CYREN: variants seen among roughly 807,000 people sequenced by gnomAD.
The protein encoded by CYREN is cell cycle regulator of non-homologous end joining.
Under a neutral mutation model 9.7 loss-of-function variants are expected in CYREN, and 7 were observed. The ratio of observed to expected loss-of-function variants is 0.72; its 90% confidence interval spans 0.41 to 1.36. The LOEUF (loss-of-function observed/expected upper bound fraction) is 1.36, where lower values mean the gene tolerates loss of function less well. Ranked by LOEUF, CYREN falls within the 40% of genes most tolerant of loss-of-function variation. CYREN has a pLI of 0.01. For missense variants in CYREN, 215 were observed against 198.1 expected (o/e 1.09, Z -0.51); for synonymous variants, 76 against 77.9 (o/e 0.98, Z 0.13).
intron 2 of CYREN, among the ~76,000 whole-genome samples, chr7:135,132,542 G>T (rs1458206256): frequency 6.6e-6 from 1 of 152,158 alleles, no homozygotes; most frequent in Non-Finnish European, 1.5e-5. Flanking sequence ...CTTACCACTT[G>T]ATATAGTTTG....
chr7:135,141,367 G>T (rs1829449767), intron 2 of CYREN, among the ~76,000 whole-genome samples: 1 of 151,858 alleles, frequency 6.6e-6, no homozygotes, highest in Admixed American at 6.6e-5. Flanking sequence ...TTGTCTCTGA[G>T]GGTTTCTTAT....
intron 2 of CYREN, among the ~76,000 whole-genome samples, chr7:135,149,135 T>TCC (rs1184820088): frequency 6.6e-6 from 1 of 152,216 alleles, no homozygotes; most frequent in African/African-American, 2.4e-5. Flanking sequence ...TCCAGCTTAG[T>TCC]CCCTGCTTTA....
In CYREN at chr7:135,159,932, G is replaced by A. The variant is rs146388024; in HGVS notation, n.356+8817C>T. On this transcript the variant is annotated intron_variant and non_coding_transcript_variant, in intron 2 of 2. Transcript: ENST00000459937. ...GAGACAGGCACTCTCTGAAACTGCT[G>A]GTGGAAACATAAGTTGATTCACAAA... 2.2e-4 allele frequency among the ~76,000 whole-genome samples: 34 copies of A among 152,274 alleles called. No individual in the cohort carries two copies. The East Asian group carries it at 2.7e-3, about 12-fold the overall frequency.
intron 2 of CYREN, among the ~76,000 whole-genome samples, chr7:135,157,428 C>T (rs1361360110): frequency 6.6e-6 from 1 of 152,246 alleles, no homozygotes; most frequent in Non-Finnish European, 1.5e-5. Flanking sequence ...TGGATGCCAA[C>T]TGAGCAGCCT....
At chr7:135,132,119 A>G (rs1828857411) in intron 2 of CYREN, among the ~76,000 whole-genome samples, 1 of 152,216 alleles carries the variant, frequency 6.6e-6, no homozygotes, top group African/African-American at 2.4e-5. Context: ...TACCAATTCT[A>G]TACAATTTCT....
intron 2 of CYREN, among the ~76,000 whole-genome samples, chr7:135,114,289 T>C (rs989820794): frequency 1.3e-5 from 2 of 152,204 alleles, no homozygotes; most frequent in South Asian, 2.1e-4. Context: ...TTCCACAATG[T>C]TGTACCATTT....
intron 2 of CYREN, among the ~76,000 whole-genome samples, chr7:135,125,621 T>A (rs1476022602): frequency 6.6e-6 from 1 of 152,174 alleles, no homozygotes; most frequent in Non-Finnish European, 1.5e-5. Context: ...ATATTCCTGA[T>A]GAACATCAAT....
chr7:135,160,735 T>A (rs75669524), intron 2 of CYREN, among the ~76,000 whole-genome samples: 14 of 145,330 alleles, frequency 9.6e-5, no homozygotes, highest in East Asian at 2.0e-4. Flanking sequence ...TTCGCTCATT[T>A]AAAAAAAAAA....
intron 2 of CYREN, among the ~76,000 whole-genome samples, chr7:135,101,967 G>A (rs1823903271): frequency 6.6e-6 from 1 of 152,210 alleles, no homozygotes; most frequent in South Asian, 2.1e-4. Flanking sequence ...TTCCGCTTTC[G>A]CTTTGCTCTC....
intron 2 of CYREN, among the ~76,000 whole-genome samples, chr7:135,125,074 GAC>G (rs1269208538): frequency 2.0e-5 from 3 of 151,642 alleles, no homozygotes; most frequent in African/African-American, 7.3e-5. Flanking sequence ...AGGAGATAGA[GAC>G]ACAAAAAACT....
At chr7:135,099,877 T>C (rs1316578822) in intron 2 of CYREN, 1 of 134,256 alleles carries the variant, frequency 7.4e-6, no homozygotes, top group Non-Finnish European at 1.5e-5. Flanking sequence ...ATTGTCTGAG[T>C]TTCTCTTTTT....
intron 2 of CYREN, chr7:135,115,758 A>G (rs1472145484): frequency 1.7e-5 from 11 of 630,832 alleles, no homozygotes; most frequent in Non-Finnish European, 2.9e-5. Context: ...ACAAAGACCC[A>G]AAGCTGTCAG....
At chr7:135,126,719 T>C (rs1827925089) in intron 2 of CYREN, among the ~76,000 whole-genome samples, 1 of 151,954 alleles carries the variant, frequency 6.6e-6, no homozygotes, top group Admixed American at 6.6e-5. Flanking sequence ...ATACCACACA[T>C]CTACAACTAT....
intron 2 of CYREN, chr7:135,147,760 T>C (rs948752495): frequency 2.4e-5 from 11 of 456,114 alleles, no homozygotes; most frequent in African/African-American, 2.0e-4. Context: ...TTGGACCAGA[T>C]GATCCTGATG....
At chr7:135,154,833 G>C (rs1017908874) in intron 2 of CYREN, among the ~76,000 whole-genome samples, 8 of 152,112 alleles carry the variant, frequency 5.3e-5, no homozygotes, top group Admixed American at 6.5e-5. Flanking sequence ...GTAGTTGTTG[G>C]GTAGAATGTT....
chr7:135,143,401 G>A (rs1354323328), intron 2 of CYREN, among the ~76,000 whole-genome samples: 1 of 152,072 alleles, frequency 6.6e-6, no homozygotes, highest in Non-Finnish European at 1.5e-5. Context: ...TGGAACAACT[G>A]GACATCCACA....
At chr7:135,107,519 T>C (rs1485452447) in intron 2 of CYREN, among the ~76,000 whole-genome samples, 1 of 152,188 alleles carries the variant, frequency 6.6e-6, no homozygotes, top group African/African-American at 2.4e-5. Context: ...TGTAATTGCA[T>C]GGTTTTGAGC....
At chr7:135,129,481 C>T (rs1828427543) in intron 2 of CYREN, 1 of 773,350 alleles carries the variant, frequency 1.3e-6, no homozygotes, top group South Asian at 1.3e-5. Flanking sequence ...AAGAACTGAC[C>T]ATGTTGTGGA....
At chr7:135,126,588 C>T (rs1172908151) in intron 2 of CYREN, among the ~76,000 whole-genome samples, 1 of 152,200 alleles carries the variant, frequency 6.6e-6, no homozygotes, top group African/African-American at 2.4e-5. Context: ...CAAGACAATC[C>T]TAAGCAGAAG....
Sources: gnomAD v4.1 joint callset for allele counts (sites outside exome capture counted in the v4.1 genomes callset) on GRCh38, gnomAD v4.1.1 for gene constraint, MANE v1.5 for transcripts, NCBI Gene and HGNC (gene_info 2026-07-23, HGNC 2026-07-21) for gene names.